RALYL: variants seen among roughly 807,000 people sequenced by gnomAD.
RALYL encodes RNA-binding Raly-like protein.
RALYL carries 29 observed loss-of-function variants against 35.1 expected under a neutral mutation model. The ratio of observed to expected loss-of-function variants is 0.83; its 90% CI spans 0.61 to 1.13. The LOEUF (loss-of-function observed/expected upper bound fraction) is 1.13. RALYL is among the 50% of genes most tolerant of loss of function. The pLI is 0.00. For synonymous variants in RALYL, 120 were observed against 127.6 expected (o/e 0.94, Z 0.40); for missense variants, 359 against 360.4 (o/e 1.00, Z 0.03).
intron 1 of RALYL, among the ~76,000 whole-genome samples, chr8:84,425,248 C>T (rs1330436364): frequency 2.6e-5 from 4 of 152,144 alleles, no homozygotes; most frequent in Non-Finnish European, 2.9e-5. Flanking sequence ...GATATAGTCT[C>T]GTGGTGCGCC....
chr8:84,253,363 T>A (rs1395892632), intron 1 of RALYL, among the ~76,000 whole-genome samples: 1 of 146,840 alleles, frequency 6.8e-6, no homozygotes, highest in African/African-American at 2.5e-5. Context: ...CTAATTTTTG[T>A]ATTTTTTTTT....
intron 1 of RALYL, among the ~76,000 whole-genome samples, chr8:84,415,170 T>TTTTTA (rs1563881112): frequency 8.6e-5 from 13 of 151,332 alleles, no homozygotes; most frequent in African/African-American, 2.9e-4. Context: ...GTTTTTTTTT[T>TTTTTA]TTTTTAATGG....
At chr8:84,378,841 C>T (rs140220594) in intron 1 of RALYL, among the ~76,000 whole-genome samples, 9 of 151,912 alleles carry the variant, frequency 5.9e-5, no homozygotes, top group African/African-American at 1.2e-4. Flanking sequence ...TCATAGTTTA[C>T]TGCTTCACAA....
chr8:84,362,502 A>G (rs535892797), intron 1 of RALYL, among the ~76,000 whole-genome samples: 139 of 152,128 alleles, frequency 9.1e-4, no homozygotes, highest in Non-Finnish European at 1.7e-3. Flanking sequence ...GCAAGCGAGC[A>G]TTACCCACTG....
intron 2 of RALYL, among the ~76,000 whole-genome samples, chr8:84,586,371 T>C (rs1449426874): frequency 1.3e-5 from 2 of 152,180 alleles, no homozygotes; most frequent in Non-Finnish European, 2.9e-5. Context: ...GAGAAATTTG[T>C]GATTAATTTA....
At chr8:84,654,101 A>G (rs1829419985) in intron 2 of RALYL, among the ~76,000 whole-genome samples, 1 of 149,912 alleles carries the variant, frequency 6.7e-6, no homozygotes, top group Non-Finnish European at 1.5e-5. Flanking sequence ...ATATATATAC[A>G]CACATAGTAG....
intron 1 of RALYL, among the ~76,000 whole-genome samples, chr8:84,289,302 G>A (rs1838299809): frequency 6.6e-6 from 1 of 152,010 alleles, no homozygotes; most frequent in Non-Finnish European, 1.5e-5. Context: ...TAAGGGCATA[G>A]GAAAAATTTA....
intron 3 of RALYL, among the ~76,000 whole-genome samples, chr8:84,796,172 C>G (rs1045764697): frequency 6.6e-6 from 1 of 152,170 alleles, no homozygotes; most frequent in African/African-American, 2.4e-5. Context: ...AGTGCCTGTA[C>G]AGACCAACCA....
At chr8:84,262,347 T>C (rs1342742196) in intron 1 of RALYL, among the ~76,000 whole-genome samples, 1 of 152,212 alleles carries the variant, frequency 6.6e-6, no homozygotes, top group African/African-American at 2.4e-5. Flanking sequence ...AGTTTCCTTA[T>C]GTGCAAAGAC....
chr8:84,762,824 A>G (rs924110095), intron 2 of RALYL, among the ~76,000 whole-genome samples: 1 of 152,190 alleles, frequency 6.6e-6, no homozygotes, highest in Non-Finnish European at 1.5e-5. Context: ...ACCAACCATT[A>G]TTATCATCAG....
At position 84,529,994 on chromosome 8, in the gene RALYL, G is replaced by T. The variant is rs144892603; in HGVS notation, c.256+417G>T. On this transcript the variant is annotated intron_variant, in intron 2 of 8. Transcript: ENST00000521268. ...TCATTTCCTATGTTTTGGAGGAGAA[G>T]GGGTAGAAAATAGCGAAAGAAAGTA... Among the ~76,000 whole-genome samples the T allele has an allele frequency of 5.2e-3, 784 of 152,196 alleles. 7 individuals are homozygous for T. Among genetic ancestry groups the T allele is most frequent in the African/African-American group, 0.017 (705 of 41,524 alleles).
chr8:84,686,443 C>T (rs904973461), intron 2 of RALYL, among the ~76,000 whole-genome samples: 5 of 152,202 alleles, frequency 3.3e-5, no homozygotes, highest in South Asian at 4.1e-4. Flanking sequence ...TCAGCTCTGT[C>T]GCCCAACCTG....
intron 8 of RALYL, among the ~76,000 whole-genome samples, chr8:84,909,227 A>G (rs1037351604): frequency 6.6e-6 from 1 of 152,190 alleles, no homozygotes; most frequent in African/African-American, 2.4e-5. Flanking sequence ...TAAATACTGT[A>G]TACACATTTG....
chr8:84,218,637 G>A (rs186776270), intron 1 of RALYL, among the ~76,000 whole-genome samples: 4 of 152,028 alleles, frequency 2.6e-5, no homozygotes, highest in Non-Finnish European at 5.9e-5. Context: ...CCTCTGAAGA[G>A]TGTTTCTAAC....
In RALYL at chr8:84,418,706, C is replaced by T. The variant is rs79982498; in HGVS notation, c.-23-110593C>T. ...GAGATTATAAACTCCAAACTCTGTACGTCATTAAAATTTATATTCACTGGG... is the reference window on the plus strand; with the variant it reads ...GAGATTATAAACTCCAAACTCTGTATGTCATTAAAATTTATATTCACTGGG... On this transcript the variant is annotated intron_variant, in intron 1 of 8. Transcript: ENST00000521268. Among the ~76,000 whole-genome samples the T allele has an allele frequency of 2.0e-3, 299 of 152,194 alleles. 4 individuals carry two copies. Among genetic ancestry groups the T allele is most frequent in the East Asian group, 8.7e-3 (45 of 5,174 alleles).
At chr8:84,517,996 A>C (rs1325807012) in intron 1 of RALYL, among the ~76,000 whole-genome samples, 1 of 152,186 alleles carries the variant, frequency 6.6e-6, no homozygotes, top group Non-Finnish European at 1.5e-5. Flanking sequence ...CCTTGTTGGC[A>C]TAACTCTAAT....
intron 1 of RALYL, among the ~76,000 whole-genome samples, chr8:84,342,657 A>T (rs1221137540): frequency 2.6e-5 from 4 of 151,970 alleles, no homozygotes; most frequent in African/African-American, 9.7e-5. Context: ...GTACAGTGGG[A>T]TCCAGCTAGC....
At chr8:84,406,839 G>A (rs1038762131) in intron 1 of RALYL, among the ~76,000 whole-genome samples, 2 of 152,138 alleles carry the variant, frequency 1.3e-5, no homozygotes, top group African/African-American at 4.8e-5. Context: ...TGATTACACT[G>A]TCAAAACTTC....
intron 1 of RALYL, among the ~76,000 whole-genome samples, chr8:84,401,899 AG>A (rs1384367382): frequency 4.2e-5 from 4 of 95,022 alleles, no homozygotes; most frequent in Middle Eastern, 0.011. Context: ...GCACCTTTCT[AG>A]TTACCCTGTC....
Sources: allele counts gnomAD v4.1 joint callset (sites outside exome capture counted in the v4.1 genomes callset), GRCh38; gene constraint gnomAD v4.1.1; transcripts MANE v1.5; gene names NCBI Gene and HGNC (gene_info 2026-07-23, HGNC 2026-07-21).